Variants in RP1 observed in about 807,000 individuals in gnomAD.
RP1 encodes the protein RP1 axonemal microtubule associated, also known as oxygen-regulated protein 1.
RP1 carries 16 observed loss-of-function variants against 14.8 expected under a neutral mutation model. That is an observed-to-expected ratio of 1.08 (90% CI 0.73 to 1.65). The LOEUF (loss-of-function observed/expected upper bound fraction) is 1.65. Ranked by LOEUF, RP1 falls within the 40% of genes most tolerant of loss-of-function variation. The pLI, the probability that RP1 is intolerant of heterozygous loss-of-function variation, is 0.00. For synonymous variants in RP1, 876 were observed against 883.6 expected (o/e 0.99, Z 0.15); for missense variants, 2,631 against 2,535.0 (o/e 1.04, Z -0.81).
rs1806071445 is a variant in RP1 at position 54,626,856 on chromosome 8, A to G, written c.2974A>G (p.Lys992Glu). The change falls in exon 4 of 4, where the codon AAG becomes GAG. Residue 992 changes from lysine to glutamate, a missense_variant. Lys to Glu is a moderately conservative substitution (Grantham distance 56). Coordinates refer to ENST00000220676, the MANE Select transcript of RP1 (RefSeq NM_006269.2). The stretch of plus-strand genomic sequence containing the variant: ...AGATAATCTATGTAAAGAGGGAGAT[A>G]AGTCTTTTATTGCCAATGACACTGG... ...TGDNLCKEGD[K>E]SFIANDTGEE... 1.2e-6 allele frequency: 2 copies of G among 1,613,816 alleles called. No homozygotes were observed. Among genetic ancestry groups the G allele is most frequent in the Non-Finnish European group, 1.7e-6 (2 of 1,179,958 alleles).
At chr8:54,794,860 C>G (rs1810545024) in intron 24 of RP1, among the ~76,000 whole-genome samples, 2 of 151,748 alleles carry the variant, frequency 1.3e-5, no homozygotes, top group Non-Finnish European at 2.9e-5. Flanking sequence ...ATTAATATCC[C>G]AAATATATCA....
At chr8:54,781,200 G>A (rs1360651028) in intron 23 of RP1, 1 of 219,418 alleles carries the variant, frequency 4.6e-6, no homozygotes, top group Non-Finnish European at 7.7e-6. Flanking sequence ...GAGTTAGATT[G>A]TCAGTAATGG....
intron 17 of RP1, among the ~76,000 whole-genome samples, chr8:54,732,857 A>T (rs1201860744): frequency 1.3e-5 from 2 of 152,156 alleles, no homozygotes; most frequent in African/African-American, 4.8e-5. Context: ...TTCTGATGTA[A>T]ATGGCATGGG....
intron 18 of RP1, among the ~76,000 whole-genome samples, chr8:54,737,267 C>T (rs879511506): frequency 2.6e-5 from 4 of 152,172 alleles, no homozygotes; most frequent in Admixed American, 6.5e-5. Context: ...AAGGGACAAG[C>T]ATGTCAAGTC....
exon 8 of RP1, chr8:54,673,881 T>C: frequency 6.5e-7 from 1 of 1,535,940 alleles, no homozygotes; most frequent in South Asian, 1.2e-5. Flanking sequence ...GCTGTGCACC[T>C]TGGAGATTTG....
In RP1 at chr8:54,625,678, G is replaced by A. The variant is rs769054079; in HGVS notation, c.1796G>A (p.Gly599Asp). ...KTGIKNFKTYGNTNDRFSPIS... is the reference protein window; with the variant it reads ...KTGIKNFKTYDNTNDRFSPIS... ...GGTATCAAGAACTTCAAAACTTATG[G>A]TAACACCAATGATAGGTTCAGTCCT... is the stretch of plus-strand genomic sequence containing the variant. The change falls in exon 4 of 4, where the codon GGT becomes GAT. Residue 599 changes from glycine to aspartate, a missense_variant. Coordinates refer to ENST00000220676, the MANE Select transcript of RP1 (RefSeq NM_006269.2). 2 of 1,613,946 alleles carry A rather than the reference G, an allele frequency of 1.2e-6. No homozygotes were observed. Among genetic ancestry groups the A allele is most frequent in the Non-Finnish European group, 1.7e-6 (2 of 1,179,988 alleles).
intron 19 of RP1, among the ~76,000 whole-genome samples, chr8:54,747,513 C>T (rs1027840473): frequency 7.9e-5 from 12 of 152,198 alleles, no homozygotes; most frequent in Non-Finnish European, 1.2e-4. Context: ...AATCCCAACT[C>T]CTACAGTATT....
downstream of RP1, among the ~76,000 whole-genome samples, chr8:54,633,733 C>CAA (rs1806294215): frequency 7.7e-6 from 1 of 130,132 alleles, no homozygotes; most frequent in East Asian, 2.3e-4. Context: ...CTCTCTCTCT[C>CAA]TCTCTATATA....
intron 7 of RP1, among the ~76,000 whole-genome samples, chr8:54,667,550 C>G (rs1807047278): frequency 6.6e-6 from 1 of 152,114 alleles, no homozygotes; most frequent in South Asian, 2.1e-4. Flanking sequence ...GCTGGAGAAG[C>G]TCCTGACTGT....
intron 1 of RP1, among the ~76,000 whole-genome samples, chr8:54,577,553 C>A (rs1208944044): frequency 7.2e-6 from 1 of 139,008 alleles, no homozygotes; most frequent in Non-Finnish European, 1.7e-5. Flanking sequence ...AGATTCACAC[C>A]CACTTCTTAA....
chr8:54,674,305 C>T (rs1218036164), intron 8 of RP1, among the ~76,000 whole-genome samples: 1 of 152,116 alleles, frequency 6.6e-6, no homozygotes, highest in Non-Finnish European at 1.5e-5. Context: ...GATTGTCCAA[C>T]AGCGGCACGT....
At chr8:54,818,811 A>G (rs1449460014) in intron 24 of RP1, among the ~76,000 whole-genome samples, 1 of 152,216 alleles carries the variant, frequency 6.6e-6, no homozygotes, top group Non-Finnish European at 1.5e-5. Flanking sequence ...AGAACAAGGC[A>G]AATACTGCAA....
intron 24 of RP1, among the ~76,000 whole-genome samples, chr8:54,799,567 C>T (rs1412081576): frequency 6.6e-6 from 1 of 151,934 alleles, no homozygotes; most frequent in African/African-American, 2.4e-5. Flanking sequence ...CTCCCCTTTT[C>T]CTGCCTTCTC....
intron 3 of RP1, among the ~76,000 whole-genome samples, chr8:54,647,556 G>A (rs2129324700): frequency 6.6e-6 from 1 of 152,284 alleles, no homozygotes; most frequent in Non-Finnish European, 1.5e-5. Context: ...AAAGTTGGAA[G>A]AGAGGAAAAC....
intron 24 of RP1, among the ~76,000 whole-genome samples, chr8:54,816,545 G>A (rs1201607129): frequency 6.6e-6 from 1 of 152,184 alleles, no homozygotes; most frequent in Non-Finnish European, 1.5e-5. Flanking sequence ...ATGTGGCTTA[G>A]GATGTAGCCC....
intron 12 of RP1, among the ~76,000 whole-genome samples, chr8:54,690,689 T>A (rs962873961): frequency 2.6e-5 from 4 of 152,016 alleles, no homozygotes; most frequent in Non-Finnish European, 5.9e-5. Context: ...CTGACTTAAG[T>A]ATATAGTATG....
chr8:54,779,644 T>C (rs990192891), intron 23 of RP1, among the ~76,000 whole-genome samples: 1 of 152,220 alleles, frequency 6.6e-6, no homozygotes, highest in Non-Finnish European at 1.5e-5. Context: ...GTAGCAACTT[T>C]GCTCACCAAA....
chr8:54,758,061 G>T (rs1279998472), intron 21 of RP1, among the ~76,000 whole-genome samples: 1 of 152,194 alleles, frequency 6.6e-6, no homozygotes, highest in Non-Finnish European at 1.5e-5. Flanking sequence ...GCAGGGAGCA[G>T]TTAAGACAGC....
chr8:54,820,238 T>A lies in RP1; in HGVS notation c.3616-17212T>A, dbSNP rs187831806. 6.4e-4 allele frequency among the ~76,000 whole-genome samples: 97 copies of A among 152,172 alleles called. 1 individual carries two copies. In the East Asian group the frequency reaches 0.018, roughly 28 times the overall value. On this transcript the variant is annotated intron_variant, in intron 24 of 28. Coordinates refer to the RP1 transcript ENST00000637698. ...AGTGGAGTTTCTTCCTGAGCTGTGC[T>A]GCCTGGGGCTGGGGGAGGGGTGAGG...
Sources: gnomAD v4.1 joint callset for allele counts (sites outside exome capture counted in the v4.1 genomes callset) on GRCh38, gnomAD v4.1.1 for gene constraint, MANE v1.5 for transcripts, NCBI Gene and HGNC (gene_info 2026-07-23, HGNC 2026-07-21) for gene names.